The following SPOCK1 variants were observed in gnomAD, a reference collection of about 807,000 sequenced individuals.
The protein encoded by SPOCK1 is testican-1.
SPOCK1 carries 23 observed loss-of-function variants against 55.3 expected under a neutral mutation model. The ratio of observed to expected loss-of-function variants is 0.42; its 90% CI spans 0.30 to 0.59. The LOEUF (loss-of-function observed/expected upper bound fraction) is 0.59, where lower values mean the gene tolerates loss of function less well. Ranked by LOEUF, SPOCK1 falls within the 20% of genes least tolerant of loss-of-function variation. SPOCK1 has a pLI of 0.22. For missense variants in SPOCK1, 499 were observed against 552.5 expected, an observed-to-expected ratio of 0.90 and a Z score of 0.97; for synonymous variants, 226 against 221.0, an observed-to-expected ratio of 1.02 and a Z score of -0.20.
At chr5:137,403,560 A>C (rs1047768021) in intron 2 of SPOCK1, among the ~76,000 whole-genome samples, 2 of 152,316 alleles carry the variant, frequency 1.3e-5, no homozygotes, top group South Asian at 4.1e-4. Flanking sequence ...GAAACTGTAC[A>C]GCAGGCTGAA....
intron 4 of SPOCK1, among the ~76,000 whole-genome samples, chr5:137,118,174 T>C (rs1217038967): frequency 6.6e-6 from 1 of 152,202 alleles, no homozygotes; most frequent in Non-Finnish European, 1.5e-5. Context: ...TACTTTGCTA[T>C]AAAACAATTC....
At position 137,356,798 on chromosome 5, in the gene SPOCK1, AATATATATATATATATATATAT is replaced by A. The variant is rs1191051173; in HGVS notation, c.187-89765_187-89744del. Among the ~76,000 whole-genome samples the A allele has an allele frequency of 1.5e-3, 20 of 13,742 alleles. 1 individual carries two copies. Among genetic ancestry groups the A allele is most frequent in the Admixed American group, 0.012 (9 of 766 alleles). The allele number at this position is 13,742 out of a possible 152,430, so 9.0% of individuals were successfully genotyped here. A position where few individuals can be genotyped will look rare whatever the true frequency, so the allele number is the denominator to read the frequency against. ...AGAGCAAGACTGTCTCAAAAAAAAT[AATATATATATATATATATATAT>A]ATATATATATATATATATAGAGAGA... On this transcript the variant is annotated intron_variant, in intron 2 of 10. Coordinates refer to ENST00000394945, the MANE Select transcript of SPOCK1 (RefSeq NM_004598.4).
chr5:137,283,127 T>C (rs1288011319), intron 2 of SPOCK1, among the ~76,000 whole-genome samples: 2 of 152,228 alleles, frequency 1.3e-5, no homozygotes, highest in African/African-American at 4.8e-5. Context: ...CCACCTTTCC[T>C]TGGGGACGGA....
intron 2 of SPOCK1, among the ~76,000 whole-genome samples, chr5:137,343,378 G>A (rs1750481585): frequency 6.6e-6 from 1 of 152,158 alleles, no homozygotes; most frequent in East Asian, 1.9e-4. Flanking sequence ...CTCCCCACAA[G>A]GTCCATCCAC....
intron 2 of SPOCK1, among the ~76,000 whole-genome samples, chr5:137,370,069 C>G (rs369698231): frequency 6.6e-6 from 1 of 152,084 alleles, no homozygotes; most frequent in Non-Finnish European, 1.5e-5. Context: ...ATTCTGGTAG[C>G]GAGTGATGCA....
At chr5:137,052,840 G>A (rs776138725) in intron 6 of SPOCK1, among the ~76,000 whole-genome samples, 5 of 151,766 alleles carry the variant, frequency 3.3e-5, no homozygotes, top group South Asian at 4.2e-4. Flanking sequence ...TTTGTATTTT[G>A]CAGTATTTTT....
intron 5 of SPOCK1, among the ~76,000 whole-genome samples, chr5:137,096,734 TA>T (rs1312840561): frequency 6.6e-6 from 1 of 152,040 alleles, no homozygotes; most frequent in Admixed American, 6.6e-5. Context: ...AGTATCTTTT[TA>T]AAAAAATTTT....
intron 6 of SPOCK1, among the ~76,000 whole-genome samples, chr5:137,046,504 G>A (rs1254351620): frequency 1.3e-5 from 2 of 151,044 alleles, no homozygotes; most frequent in African/African-American, 4.9e-5. Context: ...CTGAGACTTT[G>A]CTGAAGTTGC....
intron 3 of SPOCK1, among the ~76,000 whole-genome samples, chr5:137,178,231 G>C (rs1474676552): frequency 6.6e-6 from 1 of 152,206 alleles, no homozygotes; most frequent in Non-Finnish European, 1.5e-5. Flanking sequence ...GCTAGAATGT[G>C]AGTTCCATGA....
At chr5:137,068,180 C>G (rs1752546231) in intron 5 of SPOCK1, among the ~76,000 whole-genome samples, 1 of 152,210 alleles carries the variant, frequency 6.6e-6, no homozygotes, top group Admixed American at 6.5e-5. Context: ...GAGGCATCTT[C>G]TCCACACTCC....
chr5:137,356,749 C>A (rs1345070715), intron 2 of SPOCK1, among the ~76,000 whole-genome samples: 2 of 140,544 alleles, frequency 1.4e-5, no homozygotes, highest in South Asian at 2.3e-4. Context: ...TGAGATCATG[C>A]CACTGCACTC....
At chr5:137,114,705 A>G (rs1041615208) in intron 4 of SPOCK1, among the ~76,000 whole-genome samples, 1 of 152,244 alleles carries the variant, frequency 6.6e-6, no homozygotes, top group African/African-American at 2.4e-5. Flanking sequence ...TCAGCAGAAC[A>G]CTAGACTTAA....
At chr5:137,079,785 C>A (rs529542593) in intron 5 of SPOCK1, among the ~76,000 whole-genome samples, 2 of 151,974 alleles carry the variant, frequency 1.3e-5, no homozygotes, top group African/African-American at 4.8e-5. Context: ...CTTTTCCCAT[C>A]CCAAACCTTC....
intron 3 of SPOCK1, among the ~76,000 whole-genome samples, chr5:137,144,436 A>G (rs1754156360): frequency 6.6e-6 from 1 of 152,234 alleles, no homozygotes; most frequent in African/African-American, 2.4e-5. Context: ...CTAAAAATCA[A>G]TTACTGGGGT....
At chr5:137,089,103 A>G (rs796713700) in intron 5 of SPOCK1, among the ~76,000 whole-genome samples, 6 of 152,154 alleles carry the variant, frequency 3.9e-5, no homozygotes, top group African/African-American at 1.2e-4. Flanking sequence ...TAGCACAGAC[A>G]TGCAGGTGCA....
At chr5:137,433,574 A>C (rs559012285) in intron 2 of SPOCK1, among the ~76,000 whole-genome samples, 3 of 152,294 alleles carry the variant, frequency 2.0e-5, no homozygotes, top group African/African-American at 7.2e-5. Context: ...CTTTCATGTC[A>C]CTATTGTCTA....
At chr5:137,059,419 A>G (rs756395472) in intron 6 of SPOCK1, among the ~76,000 whole-genome samples, 1 of 152,218 alleles carries the variant, frequency 6.6e-6, no homozygotes, top group Non-Finnish European at 1.5e-5. Flanking sequence ...AATTGAAGGT[A>G]AATGCAAAAT....
At chr5:137,022,816 G>A (rs746281280) in intron 6 of SPOCK1, among the ~76,000 whole-genome samples, 3 of 152,180 alleles carry the variant, frequency 2.0e-5, no homozygotes, top group South Asian at 2.1e-4. Context: ...GGTGGCCAGC[G>A]TTCTCTTCCA....
At chr5:137,208,386 C>T (rs1755554273) in intron 3 of SPOCK1, among the ~76,000 whole-genome samples, 1 of 152,094 alleles carries the variant, frequency 6.6e-6, no homozygotes, top group Non-Finnish European at 1.5e-5. Flanking sequence ...AGAAAGGCCA[C>T]ACAACTCATA....
Sources: gnomAD v4.1 joint callset for allele counts (sites outside exome capture counted in the v4.1 genomes callset) on GRCh38, gnomAD v4.1.1 for gene constraint, MANE v1.5 for transcripts, NCBI Gene and HGNC (gene_info 2026-07-23, HGNC 2026-07-21) for gene names.